The following TMEM204 variants were observed in gnomAD, a reference collection of about 807,000 sequenced individuals.
The protein encoded by TMEM204 is transmembrane protein 204.
Under a neutral mutation model 19.4 loss-of-function variants are expected in TMEM204, and 15 were observed. The observed-to-expected ratio is 0.77, with a 90% confidence interval of 0.52 to 1.19. The LOEUF is 1.19. Among genes scored for constraint, TMEM204 ranks in the 50% most tolerant of loss-of-function variants. The pLI is 0.00. For synonymous variants in TMEM204, 161 were observed against 146.0 expected, an observed-to-expected ratio of 1.10 and a Z score of -0.74; for missense variants, 287 against 321.2, an observed-to-expected ratio of 0.89 and a Z score of 0.81.
intron 1 of TMEM204, among the ~76,000 whole-genome samples, chr16:1,537,679 A>G (rs185436688): frequency 6.6e-6 from 1 of 152,246 alleles, no homozygotes; most frequent in African/African-American, 2.4e-5. Context: ...TCTCCTCCTC[A>G]CTTCGTCTCG....
rs201327024 is a variant in TMEM204, at chr16:1,542,035, C to A, written c.395C>A (p.Pro132Gln). 31 of 1,610,896 alleles carry A rather than the reference C, an allele frequency of 1.9e-5. No individual in the cohort carries two copies. In the East Asian group the frequency reaches 2.9e-4, roughly 15 times the overall value. The stretch of plus-strand genomic sequence containing the variant: ...CTGCCCCTGCTGTCACCCGACGCCC[C>A]GTGCTGGGAGGAGGCCATGGCCGCT... Reference protein sequence around the residue: ...VGLPLLSPDAPCWEEAMAAAF... With the variant: ...VGLPLLSPDAQCWEEAMAAAF... Residue 132 changes from proline to glutamine, a missense_variant, in exon 2 of 3, where the codon CCG becomes CAG. By Grantham distance (76) the Pro-to-Gln change is moderately conservative. Coordinates refer to ENST00000566264, the MANE Select transcript of TMEM204 (RefSeq NM_024600.6).
chr16:1,554,042 T>G, intron 2 of TMEM204: 1 of 1,287,022 alleles, frequency 7.8e-7, no homozygotes, highest in Non-Finnish European at 1.0e-6. Context: ...TTTCAGGCTC[T>G]GGAAAGAGAG....
At chr16:1,543,862 C>T (rs77965536) in intron 2 of TMEM204, among the ~76,000 whole-genome samples, 3,215 of 152,204 alleles carry the variant, frequency 0.021, 113 homozygotes, top group African/African-American at 0.073. Flanking sequence ...ATCGGAAATG[C>T]CGTGGCTTAA....
chr16:1,529,274 G>T (rs1389636900), upstream of TMEM204, among the ~76,000 whole-genome samples: 4 of 152,214 alleles, frequency 2.6e-5, no homozygotes, highest in Admixed American at 1.3e-4. Context: ...GCCAGGAGAG[G>T]GTGTGTCCAA....
chr16:1,528,732 G>C (rs1228902225), upstream of TMEM204: 1 of 152,760 alleles, frequency 6.5e-6, no homozygotes, highest in South Asian at 2.1e-4. Flanking sequence ...CCGCTGGCAC[G>C]GTCACAGGCC....
chr16:1,535,935 C>G (rs1021325786), intron 1 of TMEM204, among the ~76,000 whole-genome samples: 1 of 152,258 alleles, frequency 6.6e-6, no homozygotes, highest in East Asian at 1.9e-4. Flanking sequence ...TCCGGCCAGG[C>G]GCCCTTCTTC....
Position 1,534,265 on chromosome 16 carries a change from C to A in TMEM204, c.-11C>A, listed in dbSNP as rs200816535. ...GCTTTCTCCGGATAAGCGGCGGCAC[C>A]GGCGTCAGCGATGACCGTGCAGAGA... On this transcript the variant is annotated 5_prime_UTR_variant, in exon 1 of 3. Coordinates refer to ENST00000566264, the MANE Select transcript of TMEM204 (RefSeq NM_024600.6). The A allele has an allele frequency of 2.0e-4, 316 of 1,609,052 alleles. 4 individuals are homozygous for A. The East Asian group carries it at 6.9e-3, about 35-fold the overall frequency.
rs1247310325 is a variant in TMEM204 at position 1,553,749 on chromosome 16, T to C, written c.437-1033T>C. Reference sequence around the variant, plus strand: ...GCCACATCCCCATGGCTGTAGGGGATGAGGAGGGGCAGGGCCATGTGGACA... The same window carrying C: ...GCCACATCCCCATGGCTGTAGGGGACGAGGAGGGGCAGGGCCATGTGGACA... On this transcript the variant is annotated intron_variant, in intron 2 of 2. Coordinates refer to ENST00000566264, the MANE Select transcript of TMEM204 (RefSeq NM_024600.6). The surrounding 1 kb of genome is among the most constrained non-coding windows in gnomAD (Gnocchi z 4.4). 6.9e-6 allele frequency: 8 copies of C among 1,156,506 alleles called. No homozygotes were observed. The highest frequency in any genetic ancestry group is 8.7e-6 in the Non-Finnish European group (8 of 924,162). The allele number at this position is 1,156,506 out of a possible 1,614,324, so 71.6% of individuals were successfully genotyped here.
upstream of TMEM204, chr16:1,531,305 C>G (rs550374720): frequency 7.2e-5 from 11 of 152,258 alleles, no homozygotes; most frequent in African/African-American, 2.4e-4. The surrounding 1 kb of genome is among the most constrained non-coding windows in gnomAD (Gnocchi z 4.7). Context: ...CGGCAGGGGA[C>G]GCAGCCTTCA....
chr16:1,534,363 T>C lies in TMEM204; in HGVS notation c.88T>C (p.Trp30Arg). ...LNNVAAFTSNWVCQTLEDGRR... is the reference protein window; with the variant it reads ...LNNVAAFTSNRVCQTLEDGRR... ...CAACGTGGCGGCCTTCACCTCCAACTGGGTGTGCCAGACGCTGGAGGATGG... is the reference window on the plus strand; with the variant it reads ...CAACGTGGCGGCCTTCACCTCCAACCGGGTGTGCCAGACGCTGGAGGATGG... The change falls in exon 1 of 3, where the codon TGG (tryptophan) becomes CGG (arginine). Residue 30 changes from tryptophan (W) to arginine (R), a missense_variant. By Grantham distance (101) the Trp-to-Arg change is moderately radical (BLOSUM62 -3). Transcript: ENST00000566264. 1 of 1,612,816 alleles carries C rather than the reference T, an allele frequency of 6.2e-7. No homozygotes were observed. Among genetic ancestry groups the C allele is most frequent in the Non-Finnish European group, 8.5e-7 (1 of 1,179,858 alleles).
intron 1 of TMEM204, among the ~76,000 whole-genome samples, chr16:1,535,794 G>T (rs938322603): frequency 2.0e-5 from 3 of 152,184 alleles, no homozygotes; most frequent in African/African-American, 7.2e-5. Context: ...ACTTCCTCTC[G>T]CATCCTTCAC....
chr16:1,536,857 C>T (rs1224571310), intron 1 of TMEM204, among the ~76,000 whole-genome samples: 1 of 152,246 alleles, frequency 6.6e-6, no homozygotes, highest in Non-Finnish European at 1.5e-5. Flanking sequence ...TTCGCTGCCC[C>T]CACTCACGTG....
chr16:1,537,211 T>G (rs2031163483), intron 1 of TMEM204, among the ~76,000 whole-genome samples: 1 of 151,378 alleles, frequency 6.6e-6, no homozygotes, highest in African/African-American at 2.4e-5. Flanking sequence ...TCACACCGCG[T>G]GCCTCCTCAC....
rs553558511 is a variant in TMEM204, at chr16:1,553,955, G to T, written c.437-827G>T. ...CAAAGATAAAACTGTAAGTGAAACT[G>T]TAGCATCAGCGACTAACTAGACGGG... On this transcript the variant is annotated intron_variant, in intron 2 of 2. Transcript: ENST00000566264. The surrounding 1 kb of genome is among the most constrained non-coding windows in gnomAD (Gnocchi z 4.4). The T allele has an allele frequency of 2.6e-5, 34 of 1,287,090 alleles. No homozygotes were observed. The South Asian group carries it at 4.1e-4, about 15-fold the overall frequency. 79.7% of individuals were successfully genotyped at this position (1,287,090 alleles called of 1,614,324 possible). A position where few individuals can be genotyped will look rare whatever the true frequency, so the allele number is the denominator to read the frequency against.
chr16:1,537,933 C>T (rs1338444803), intron 1 of TMEM204, among the ~76,000 whole-genome samples: 2 of 152,242 alleles, frequency 1.3e-5, no homozygotes, highest in Non-Finnish European at 2.9e-5. Flanking sequence ...GAGGACAGAG[C>T]TCCCGGGCTT....
At chr16:1,529,991 G>A (rs542636829), upstream of TMEM204, among the ~76,000 whole-genome samples, 7 of 152,310 alleles carry the variant, frequency 4.6e-5, no homozygotes, top group Admixed American at 4.6e-4. Context: ...GCTCCTCACA[G>A]ACGTCTCACT....
intron 2 of TMEM204, among the ~76,000 whole-genome samples, chr16:1,550,734 T>A (rs1357475455): frequency 1.3e-5 from 2 of 152,206 alleles, no homozygotes. Context: ...ACCCTCCACA[T>A]AGGGCAAGGC....
At chr16:1,542,547 G>T (rs1382225805) in intron 2 of TMEM204, among the ~76,000 whole-genome samples, 1 of 152,240 alleles carries the variant, frequency 6.6e-6, no homozygotes, top group East Asian at 1.9e-4. Context: ...GGCCTAGGAA[G>T]GCCAAGGCAT....
At chr16:1,552,561 T>C (rs868346994) in intron 2 of TMEM204, among the ~76,000 whole-genome samples, 2 of 151,782 alleles carry the variant, frequency 1.3e-5, no homozygotes, top group African/African-American at 2.4e-5. Flanking sequence ...CAAGCATCGA[T>C]ACCACACAAT....
Sources: allele counts gnomAD v4.1 joint callset (sites outside exome capture counted in the v4.1 genomes callset), GRCh38; gene constraint gnomAD v4.1.1; non-coding constraint Gnocchi (gnomAD v3.1); transcripts MANE v1.5; gene names NCBI Gene and HGNC (gene_info 2026-07-23, HGNC 2026-07-21).